The following WWOX variants were observed in gnomAD, a reference collection of about 807,000 sequenced individuals.
The protein encoded by WWOX is WW domain containing oxidoreductase.
A neutral mutation model predicts 46.2 loss-of-function variants in WWOX; 69 were observed. The ratio of observed to expected loss-of-function variants is 1.49; its 90% CI spans 1.23 to 1.82. WWOX has a LOEUF of 1.82. Ranked by LOEUF, WWOX falls within the 40% of genes most tolerant of loss-of-function variation. WWOX has a pLI of 0.00. For synonymous variants in WWOX, 359 were observed against 202.6 expected (o/e 1.77, Z -6.56); for missense variants, 919 against 542.6 (o/e 1.69, Z -6.89).
chr16:78,956,528 C>T (rs1183392120), intron 8 of WWOX, among the ~76,000 whole-genome samples: 1 of 152,146 alleles, frequency 6.6e-6, no homozygotes, highest in African/African-American at 2.4e-5. Context: ...ATTAGGTTCA[C>T]AGTTGGTGAT....
chr16:78,940,233 T>C (rs2045824741), intron 8 of WWOX, among the ~76,000 whole-genome samples: 1 of 152,240 alleles, frequency 6.6e-6, no homozygotes, highest in South Asian at 2.1e-4. Flanking sequence ...TGTTTGTGTG[T>C]AGAAATAGAA....
chr16:78,389,689 C>A (rs1027012523), intron 6 of WWOX, among the ~76,000 whole-genome samples: 9 of 151,906 alleles, frequency 5.9e-5, no homozygotes, highest in African/African-American at 1.9e-4. Context: ...GTAGAGGGGC[C>A]GATTTAGCCT....
intron 8 of WWOX, among the ~76,000 whole-genome samples, chr16:78,883,940 C>G (rs1011774258): frequency 2.6e-5 from 4 of 151,968 alleles, no homozygotes; most frequent in Non-Finnish European, 4.4e-5. Flanking sequence ...TTTTGGAAGA[C>G]TTGATTTACA....
At position 79,211,629 on chromosome 16, in the gene WWOX, G is replaced by C. The variant is rs200019508; in HGVS notation, c.1078G>C (p.Val360Leu). 1.2e-6 allele frequency: 2 copies of C among 1,614,166 alleles called. No individual in the cohort carries two copies. The highest frequency in any genetic ancestry group is 1.7e-6 in the Non-Finnish European group (2 of 1,180,030). Residue 360 changes from valine to leucine, a missense_variant, in exon 9 of 9, where the codon GTG becomes CTG. Coordinates refer to ENST00000566780, the MANE Select transcript of WWOX (RefSeq NM_016373.4). ...KSMQQGAATT[V>L]YCAAVPELEG... is the part of the protein sequence containing the mutation. ...CCAGCAACAGGGAGCTGCCACCACC[G>C]TGTACTGTGCTGCTGTCCCAGAACT...
chr16:78,634,811 GGAGAGAGAGAGA>G (rs541433739), intron 8 of WWOX, among the ~76,000 whole-genome samples: 18 of 127,954 alleles, frequency 1.4e-4, no homozygotes, highest in African/African-American at 5.1e-4. Context: ...GCACCCGACT[GGAGAGAGAGAGA>G]GAGAGAGAGA....
chr16:78,756,831 G>A (rs1005929324), intron 8 of WWOX: 5 of 673,944 alleles, frequency 7.4e-6, no homozygotes, highest in South Asian at 6.4e-5. Context: ...TAATACTACT[G>A]ACCTGTATAA....
chr16:78,652,658 ACT>A (rs1291917049), intron 8 of WWOX, among the ~76,000 whole-genome samples: 1 of 152,050 alleles, frequency 6.6e-6, no homozygotes, highest in Non-Finnish European at 1.5e-5. Context: ...ACCACCCATG[ACT>A]CTGGATTTAT....
intron 5 of WWOX, among the ~76,000 whole-genome samples, chr16:78,239,561 G>A (rs1038173599): frequency 1.3e-5 from 2 of 152,020 alleles, no homozygotes; most frequent in East Asian, 1.9e-4. Context: ...TTGAGACAGG[G>A]TCTCGCTTTG....
chr16:78,819,040 G>A (rs181692645), intron 8 of WWOX, among the ~76,000 whole-genome samples: 2 of 152,292 alleles, frequency 1.3e-5, no homozygotes, highest in East Asian at 1.9e-4. Context: ...AAATGGAAAC[G>A]ATAACGGCGA....
Position 79,212,056 on chromosome 16 carries a change from C to T in WWOX, c.*260C>T. On this transcript the variant is annotated 3_prime_UTR_variant, in exon 9 of 9. Transcript: ENST00000566780. Reference sequence around the variant, plus strand: ...TGGTGGCCTGTTTGAAAGTAAAAACCTGCTTGGTGTGTAGGTTCCGTATCT... The same window carrying T: ...TGGTGGCCTGTTTGAAAGTAAAAACTTGCTTGGTGTGTAGGTTCCGTATCT... 2.6e-6 allele frequency: 4 copies of T among 1,536,364 alleles called. No individual in the cohort carries two copies. In the South Asian group the frequency reaches 3.6e-5, roughly 14 times the overall value.
chr16:78,208,488 G>A (rs1249212383), intron 5 of WWOX, among the ~76,000 whole-genome samples: 1 of 152,068 alleles, frequency 6.6e-6, no homozygotes, highest in Non-Finnish European at 1.5e-5. Context: ...AACCTGTTAT[G>A]GAATATGAAT....
chr16:79,002,813 C>T (rs1029869478), intron 8 of WWOX, among the ~76,000 whole-genome samples: 1 of 152,180 alleles, frequency 6.6e-6, no homozygotes, highest in Admixed American at 6.5e-5. Context: ...ATCCAAAACC[C>T]ATGCTCATAA....
At chr16:78,951,014 C>G (rs1027814322) in intron 8 of WWOX, among the ~76,000 whole-genome samples, 12 of 152,180 alleles carry the variant, frequency 7.9e-5, no homozygotes, top group African/African-American at 2.4e-4. Flanking sequence ...AGCTTCATCT[C>G]AGGCCAGACA....
In WWOX at chr16:79,212,384, A is replaced by C. The variant is rs1422919446; in HGVS notation, c.*588A>C. On this transcript the variant is annotated 3_prime_UTR_variant, in exon 9 of 9. Transcript: ENST00000566780. ...AGGGAGTAGAATACGCAGAACTACC[A>C]GGTGGCAAAGTACTTGTCATAGACT... is the stretch of plus-strand genomic sequence containing the variant. 2 of 486,104 alleles carry C rather than the reference A, an allele frequency of 4.1e-6. No individual in the cohort carries two copies. The highest frequency in any genetic ancestry group is 7.2e-6 in the Non-Finnish European group (2 of 278,832). 30.1% of individuals were successfully genotyped at this position (486,104 alleles called of 1,614,324 possible).
At chr16:79,043,018 C>A (rs1213461473) in intron 8 of WWOX, among the ~76,000 whole-genome samples, 1 of 152,004 alleles carries the variant, frequency 6.6e-6, no homozygotes, top group Non-Finnish European at 1.5e-5. Flanking sequence ...CTTTTCTGTT[C>A]AGTGATGTAA....
chr16:78,424,103 T>C (rs1446499000), intron 6 of WWOX, among the ~76,000 whole-genome samples: 5 of 124,468 alleles, frequency 4.0e-5, no homozygotes, highest in Non-Finnish European at 6.4e-5. Context: ...TTTTCTTTTC[T>C]TTTCTTTTTT....
intron 5 of WWOX, among the ~76,000 whole-genome samples, chr16:78,224,132 T>C (rs2036976793): frequency 6.6e-6 from 1 of 152,080 alleles, no homozygotes; most frequent in Admixed American, 6.5e-5. Flanking sequence ...GCCTCCCAAG[T>C]AGCTGGGACT....
chr16:78,574,027 C>A (rs1000404261), intron 8 of WWOX, among the ~76,000 whole-genome samples: 1 of 152,118 alleles, frequency 6.6e-6, no homozygotes, highest in Non-Finnish European at 1.5e-5. Flanking sequence ...CCCAAATCAC[C>A]CAGATTACTA....
At chr16:78,747,519 A>G (rs1316525979) in intron 8 of WWOX, among the ~76,000 whole-genome samples, 2 of 152,200 alleles carry the variant, frequency 1.3e-5, no homozygotes, top group Admixed American at 6.5e-5. Flanking sequence ...GGAGACAGGC[A>G]TTACAATGAG....
Sources: gnomAD v4.1 joint callset for allele counts (sites outside exome capture counted in the v4.1 genomes callset) on GRCh38, gnomAD v4.1.1 for gene constraint, MANE v1.5 for transcripts, NCBI Gene and HGNC (gene_info 2026-07-23, HGNC 2026-07-21) for gene names.